Variants in FUCA1 observed in about 807,000 individuals in gnomAD.
FUCA1 encodes the protein alpha-L-fucosidase 1.
Under a neutral mutation model 56.8 loss-of-function variants are expected in FUCA1, and 52 were observed. That is an observed-to-expected ratio of 0.92 (90% confidence interval 0.73 to 1.15). FUCA1 has a LOEUF of 1.15. FUCA1 is among the 50% of genes most tolerant of loss of function. The probability of loss-of-function intolerance (pLI) is 0.00; values close to 1 mark genes in which losing one functional copy is unlikely to be tolerated. For missense variants in FUCA1, 568 were observed against 592.6 expected, an observed-to-expected ratio of 0.96 and a Z score of 0.43; for synonymous variants, 230 against 226.6, an observed-to-expected ratio of 1.02 and a Z score of -0.14.
At chr1:23,853,201 A>G (rs1448558380) in intron 5 of FUCA1, among the ~76,000 whole-genome samples, 2 of 143,292 alleles carry the variant, frequency 1.4e-5, no homozygotes, top group East Asian at 2.1e-4. Flanking sequence ...GTCTCTGCCC[A>G]GCCGCCCCAT....
intron 6 of FUCA1, among the ~76,000 whole-genome samples, chr1:23,846,778 C>T (rs1464006449): frequency 1.3e-5 from 2 of 150,796 alleles, no homozygotes; most frequent in African/African-American, 2.4e-5. Context: ...GACGGGGTTT[C>T]GCCATGTTGG....
At chr1:23,847,830 T>C (rs1639173169) in intron 6 of FUCA1, among the ~76,000 whole-genome samples, 1 of 152,174 alleles carries the variant, frequency 6.6e-6, no homozygotes, top group South Asian at 2.1e-4. Context: ...GAGACCAGCC[T>C]GGCCAACATG....
chr1:23,852,439 A>G (rs2148441072), intron 5 of FUCA1, among the ~76,000 whole-genome samples: 1 of 139,800 alleles, frequency 7.2e-6, no homozygotes, highest in African/African-American at 2.7e-5. Flanking sequence ...AAAACAAAAA[A>G]CTCCCCTCTC....
chr1:23,867,796 TG>T lies in FUCA1; in HGVS notation c.389+101del, dbSNP rs1286286977. On this transcript the variant is annotated intron_variant, in intron 1 of 7. Coordinates refer to ENST00000374479, the MANE Select transcript of FUCA1 (RefSeq NM_000147.5). The surrounding 1 kb of genome is among the most constrained non-coding windows in gnomAD (Gnocchi z 4.9). Reference sequence around the variant, plus strand: ...AGGCCACACGCGGGCCCCGGGGTCATGGGGGCGACCGGCAGCTGCGCGCCCC... The same window carrying T: ...AGGCCACACGCGGGCCCCGGGGTCATGGGGCGACCGGCAGCTGCGCGCCCC... 1.4e-6 allele frequency: 2 copies of T among 1,443,070 alleles called. No homozygotes were observed. The highest frequency in any genetic ancestry group is 2.8e-5 in the Admixed American group (1 of 35,700). The allele number at this position is 1,443,070 out of a possible 1,614,324, so 89.4% of individuals were successfully genotyped here.
intron 4 of FUCA1, among the ~76,000 whole-genome samples, chr1:23,857,524 GTC>G (rs1639417888): frequency 6.6e-6 from 1 of 151,870 alleles, no homozygotes; most frequent in East Asian, 1.9e-4. Context: ...GTGAGACAGA[GTC>G]TCGCTCTGTT....
At chr1:23,845,879 A>G (rs376103699) in intron 7 of FUCA1, 24 bp from the exon 8 acceptor site, 7 of 1,613,926 alleles carry the variant, frequency 4.3e-6, no homozygotes, top group Non-Finnish European at 5.9e-6. Flanking sequence ...AAGGGAATGA[A>G]ACAAACTGGT....
chr1:23,867,471 T>C lies in FUCA1; in HGVS notation c.389+427A>G, dbSNP rs1639648153. 6.6e-6 allele frequency among the ~76,000 whole-genome samples: 1 copy of C among 152,158 alleles called. No individual in the cohort carries two copies. Among genetic ancestry groups the C allele is most frequent in the Non-Finnish European group, 1.5e-5 (1 of 68,018 alleles). ...ATTAGGGCTCAAAGGGTTGTATCCT[T>C]ATATAACCCCTTTCTACAACCATAG... On this transcript the variant is annotated intron_variant, in intron 1 of 7. Coordinates refer to ENST00000374479, the MANE Select transcript of FUCA1 (RefSeq NM_000147.5). The surrounding 1 kb of genome is among the most constrained non-coding windows in gnomAD (Gnocchi z 4.9).
At chr1:23,864,734 T>C (rs867599380) in intron 2 of FUCA1, among the ~76,000 whole-genome samples, 17 of 150,438 alleles carry the variant, frequency 1.1e-4, no homozygotes, top group South Asian at 4.2e-4. Context: ...AGACGGAGTC[T>C]CGCTCTGCCA....
intron 5 of FUCA1, among the ~76,000 whole-genome samples, chr1:23,852,647 C>T (rs1220232758): frequency 3.3e-5 from 5 of 152,082 alleles, no homozygotes; most frequent in Non-Finnish European, 7.4e-5. Flanking sequence ...GACTGGTTTT[C>T]GTATTTTTTT....
rs1259684830 is a variant in FUCA1, at chr1:23,868,273, C to G, written c.14G>C (p.Gly5Ala). Residue 5 changes from glycine (G) to alanine (A), a missense_variant, in exon 1 of 8, where the codon GGG becomes GCG. By Grantham distance (60) the Gly-to-Ala change is moderately conservative (BLOSUM62 0). Transcript: ENST00000374479. ...GGGACCCGCCGGCCGCGACCTCATC[C>G]CCGGAGCCCGCATCGCTACCCCTCA... is the stretch of plus-strand genomic sequence containing the variant. MRAPGMRSRPAGPAL... is the reference protein window; with the variant it reads MRAPAMRSRPAGPAL... The G allele has an allele frequency of 6.4e-7, 1 of 1,552,244 alleles. No individual in the cohort carries two copies. Among genetic ancestry groups the G allele is most frequent in the African/African-American group, 1.4e-5 (1 of 73,376 alleles).
At chr1:23,863,977 T>G (rs980129778) in intron 2 of FUCA1, among the ~76,000 whole-genome samples, 4 of 152,060 alleles carry the variant, frequency 2.6e-5, no homozygotes, top group Non-Finnish European at 4.4e-5. Flanking sequence ...ATATGCAAAG[T>G]ACTCTTACTC....
chr1:23,855,768 C>A (rs934144857), intron 4 of FUCA1, among the ~76,000 whole-genome samples: 4 of 152,132 alleles, frequency 2.6e-5, no homozygotes, highest in African/African-American at 7.2e-5. Flanking sequence ...AAGATCAATT[C>A]AAGAACAGGT....
rs1408614139 is a variant in FUCA1 at position 23,853,401 on chromosome 1, GCCCCCC to G, written c.969+953_969+958del. On this transcript the variant is annotated intron_variant, in intron 5 of 7. Coordinates refer to ENST00000374479, the MANE Select transcript of FUCA1 (RefSeq NM_000147.5). ...GTCCGGGAGGGAGGTGGGGGGGTCA[GCCCCCC>G]GCCTGGCCAGCCGCCCCGTCCGGGA... Among the ~76,000 whole-genome samples the G allele has an allele frequency of 9.0e-3, 1,324 of 146,300 alleles. 24 individuals carry two copies. Among genetic ancestry groups the G allele is most frequent in the African/African-American group, 0.032 (1,188 of 37,654 alleles).
At chr1:23,851,379 T>C (rs61779507) in intron 5 of FUCA1, among the ~76,000 whole-genome samples, 3,185 of 83,404 alleles carry the variant, frequency 0.038, 37 homozygotes, top group East Asian at 0.066. Flanking sequence ...AATAAATAAA[T>C]ATACACATAC....
At chr1:23,858,127 C>T (rs558200528) in intron 4 of FUCA1, among the ~76,000 whole-genome samples, 21 of 151,886 alleles carry the variant, frequency 1.4e-4, no homozygotes, top group Admixed American at 3.9e-4. Flanking sequence ...TGCAGTGGCG[C>T]GATCTCGGCT....
Position 23,854,566 on chromosome 1 carries a change from G to C in FUCA1, c.769-6C>G, listed in dbSNP as rs1452686841. On this transcript the variant is annotated splice_region_variant and splice_polypyrimidine_tract_variant and intron_variant, in intron 4 of 7. Transcript: ENST00000374479. The stretch of plus-strand genomic sequence containing the variant: ...TCATTTACTACCACCTCATCCTAAG[G>C]AGGGAAAGAATATTTGGTCATGAGG... 1 of 1,610,534 alleles carries C rather than the reference G, an allele frequency of 6.2e-7. No homozygotes were observed. Among genetic ancestry groups the C allele is most frequent in the South Asian group, 1.1e-5 (1 of 91,028 alleles).
chr1:23,867,385 T>C lies in FUCA1; in HGVS notation c.389+513A>G, dbSNP rs3003329. Among the ~76,000 whole-genome samples the C allele has an allele frequency of 0.11, 16,285 of 152,188 alleles. 967 individuals are homozygous for C. Among genetic ancestry groups the C allele is most frequent in the East Asian group, 0.21 (1,082 of 5,170 alleles). The stretch of plus-strand genomic sequence containing the variant: ...ATTGAGAGGAGCAAACGAATGACTA[T>C]CTGTACTGTTGCCCAAATACACTGC... On this transcript the variant is annotated intron_variant, in intron 1 of 7. Transcript: ENST00000374479. The surrounding 1 kb of genome is among the most constrained non-coding windows in gnomAD (Gnocchi z 4.9).
intron 4 of FUCA1, among the ~76,000 whole-genome samples, chr1:23,856,976 T>C (rs1449239964): frequency 1.3e-5 from 2 of 149,220 alleles, no homozygotes; most frequent in Non-Finnish European, 1.5e-5. Flanking sequence ...TGGGCGACAG[T>C]GCGAGACTCC....
intron 3 of FUCA1, 133 bp from the exon 4 acceptor site, chr1:23,860,036 T>C: frequency 1.5e-6 from 1 of 673,482 alleles, no homozygotes; most frequent in Non-Finnish European, 2.7e-6. Context: ...TATCAACATG[T>C]ATGATCACAA....
Sources: allele counts gnomAD v4.1 joint callset (sites outside exome capture counted in the v4.1 genomes callset), GRCh38; gene constraint gnomAD v4.1.1; non-coding constraint Gnocchi (gnomAD v3.1); transcripts MANE v1.5; gene names NCBI Gene and HGNC (gene_info 2026-07-23, HGNC 2026-07-21).